Variants in LARGE1 observed in about 807,000 individuals in gnomAD.
LARGE1 encodes xylosyl- and glucuronyltransferase LARGE1.
Under a neutral mutation model 87.6 loss-of-function variants are expected in LARGE1, and 43 were observed. That is an observed-to-expected ratio of 0.49 (90% CI 0.38 to 0.63). LARGE1 has a LOEUF of 0.63. Among genes scored for constraint, LARGE1 ranks in the 30% least tolerant of loss-of-function variants. The pLI is 0.00. For missense variants in LARGE1, 802 were observed against 1,000.2 expected (o/e 0.80, Z 2.67); for synonymous variants, 434 against 394.6 (o/e 1.10, Z -1.18).
intron 11 of LARGE1, among the ~76,000 whole-genome samples, chr22:33,210,239 C>T (rs1924889025): frequency 6.6e-6 from 1 of 152,260 alleles, no homozygotes; most frequent in Non-Finnish European, 1.5e-5. Flanking sequence ...CCGGCCTCCA[C>T]AGGCCTTTGG....
chr22:33,261,661 G>A (rs1324948674), intron 11 of LARGE1, among the ~76,000 whole-genome samples: 1 of 151,844 alleles, frequency 6.6e-6, no homozygotes, highest in Non-Finnish European at 1.5e-5. Context: ...GATTCCAGAA[G>A]TTGAGGAGGG....
intron 11 of LARGE1, among the ~76,000 whole-genome samples, chr22:33,248,124 C>G (rs777318765): frequency 6.6e-6 from 1 of 152,134 alleles, no homozygotes; most frequent in Non-Finnish European, 1.5e-5. Context: ...TTTAGGTTCA[C>G]AGCAAAATTC....
intron 6 of LARGE1, among the ~76,000 whole-genome samples, chr22:33,537,611 G>A (rs1307190322): frequency 1.3e-5 from 2 of 152,056 alleles, no homozygotes; most frequent in Non-Finnish European, 2.9e-5. Context: ...CTGTCACCCA[G>A]GCTGGAGTGC....
chr22:33,193,055 T>A (rs1923870073), intron 11 of LARGE1, among the ~76,000 whole-genome samples: 2 of 152,184 alleles, frequency 1.3e-5, no homozygotes, highest in South Asian at 4.1e-4. Flanking sequence ...TTTTCACATA[T>A]AACTTTATTC....
chr22:33,362,931 T>A (rs769372398), intron 9 of LARGE1, among the ~76,000 whole-genome samples: 1 of 150,130 alleles, frequency 6.7e-6, no homozygotes, highest in Non-Finnish European at 1.5e-5. Context: ...AGAAGATGCA[T>A]GAGGGTGGTT....
intron 6 of LARGE1, among the ~76,000 whole-genome samples, chr22:33,540,202 G>A (rs2077153658): frequency 6.6e-6 from 1 of 152,180 alleles, no homozygotes; most frequent in Non-Finnish European, 1.5e-5. Context: ...AAGGACTGCT[G>A]AGAAAATGGC....
At chr22:33,104,925 T>TTTCTCTCTTTCTC in the LARGE1 span, among the ~76,000 whole-genome samples, 1 of 118,452 alleles carries the variant, frequency 8.4e-6, no homozygotes, top group Admixed American at 8.9e-5. Flanking sequence ...CTTTCTTTCT[T>TTTCTCTCTTTCTC]TCTTTCTTTC....
intron 11 of LARGE1, among the ~76,000 whole-genome samples, chr22:33,308,231 G>C (rs1935157971): frequency 6.6e-6 from 1 of 152,136 alleles, no homozygotes; most frequent in Non-Finnish European, 1.5e-5. Flanking sequence ...AGTCTCAGTG[G>C]GACTAAGCAG....
rs8136072 is a variant in LARGE1 at position 33,443,300 on chromosome 22, C to A, written c.788-11035G>T. On this transcript the variant is annotated intron_variant, in intron 6 of 14. Transcript: ENST00000397394. ...CACCTACACTTATGGTTAGAAACATCTGCAAAGCATTTCTCTCCCCAAGGG... is the reference window on the plus strand; with the variant it reads ...CACCTACACTTATGGTTAGAAACATATGCAAAGCATTTCTCTCCCCAAGGG... Among the ~76,000 whole-genome samples the A allele has an allele frequency of 1.9e-3, 282 of 152,336 alleles. 3 individuals are homozygous for A. Among genetic ancestry groups the A allele is most frequent in the African/African-American group, 6.4e-3 (268 of 41,572 alleles).
chr22:33,576,422 C>G (rs1188983374), intron 5 of LARGE1, among the ~76,000 whole-genome samples: 1 of 152,056 alleles, frequency 6.6e-6, no homozygotes, highest in East Asian at 1.9e-4. Flanking sequence ...AAAGGATGGT[C>G]ACAGCTGTCA....
rs1348545203 is a variant in LARGE1, at chr22:33,357,183, TCAGC to T, written c.1132-19386_1132-19383del. On this transcript the variant is annotated intron_variant, in intron 9 of 14. Coordinates refer to ENST00000397394, the MANE Select transcript of LARGE1 (RefSeq NM_133642.5). Reference sequence around the variant, plus strand: ...GTAGGTATATATATATGAATACTATTCAGCCATGAAAAGGAATGAAAACATGGAT... The same window carrying T: ...GTAGGTATATATATATGAATACTATTCATGAAAAGGAATGAAAACATGGAT... 2.2e-4 allele frequency among the ~76,000 whole-genome samples: 33 copies of T among 152,316 alleles called. 2 individuals carry two copies. The highest frequency in any genetic ancestry group is 1.3e-3 in the Admixed American group (20 of 15,290).
chr22:33,713,177 T>C (rs552910342), intron 2 of LARGE1, among the ~76,000 whole-genome samples: 171 of 152,202 alleles, frequency 1.1e-3, no homozygotes, highest in Non-Finnish European at 2.1e-3. Flanking sequence ...GGAAAATAGA[T>C]TCAGCTTAGA....
chr22:33,245,489 C>T (rs1406020286), intron 11 of LARGE1, among the ~76,000 whole-genome samples: 4 of 152,216 alleles, frequency 2.6e-5, no homozygotes, highest in South Asian at 2.1e-4. Flanking sequence ...ACCATTTCTA[C>T]CTCTTGGTAG....
At position 33,353,816 on chromosome 22, in the gene LARGE1, TCA is replaced by T. The variant is rs1940636804; in HGVS notation, c.1132-16017_1132-16016del. ...ATAACAAAAGAATTATGGAGTAAGGTCACAGAGTCAGCACCATGCAATGAATT... is the reference window on the plus strand; with the variant it reads ...ATAACAAAAGAATTATGGAGTAAGGTCAGAGTCAGCACCATGCAATGAATT... On this transcript the variant is annotated intron_variant, in intron 9 of 14. Coordinates refer to ENST00000397394, the MANE Select transcript of LARGE1 (RefSeq NM_133642.5). Among the ~76,000 whole-genome samples the T allele has an allele frequency of 2.6e-5, 4 of 152,202 alleles. No homozygotes were observed. In the South Asian group the frequency reaches 8.3e-4, roughly 31 times the overall value.
chr22:33,217,049 G>A (rs368095429), intron 11 of LARGE1, among the ~76,000 whole-genome samples: 178 of 152,210 alleles, frequency 1.2e-3, no homozygotes, highest in Non-Finnish European at 2.0e-3. Context: ...GGAACAATGG[G>A]GACTCTTTCA....
At chr22:33,245,949 A>G (rs1047006366) in intron 11 of LARGE1, among the ~76,000 whole-genome samples, 2 of 152,170 alleles carry the variant, frequency 1.3e-5, no homozygotes, top group Admixed American at 6.5e-5. Flanking sequence ...CATCCAAAAA[A>G]ATGAGAAGTG....
chr22:33,566,807 T>C (rs1231021676), intron 5 of LARGE1, among the ~76,000 whole-genome samples: 1 of 152,182 alleles, frequency 6.6e-6, no homozygotes, highest in Non-Finnish European at 1.5e-5. Context: ...ATCCTTTAGC[T>C]AGACACAGAG....
At chr22:33,502,637 C>T (rs145706533) in intron 6 of LARGE1, among the ~76,000 whole-genome samples, 1 of 151,990 alleles carries the variant, frequency 6.6e-6, no homozygotes, top group African/African-American at 2.4e-5. Flanking sequence ...GGCGTGATCT[C>T]GGCTCACTGC....
intron 4 of LARGE1, among the ~76,000 whole-genome samples, chr22:33,611,390 C>T (rs2079425263): frequency 6.6e-6 from 1 of 152,242 alleles, no homozygotes; most frequent in Non-Finnish European, 1.5e-5. Flanking sequence ...AGGTATGGGA[C>T]ATGGAGTCAA....
Sources: allele counts gnomAD v4.1 joint callset (sites outside exome capture counted in the v4.1 genomes callset), GRCh38; gene constraint gnomAD v4.1.1; transcripts MANE v1.5; gene names NCBI Gene and HGNC (gene_info 2026-07-23, HGNC 2026-07-21).